The following USH2A variants were observed in gnomAD, a reference collection of about 807,000 sequenced individuals.
USH2A encodes the protein Usher syndrome 2A (autosomal recessive, mild).
USH2A carries 443 observed loss-of-function variants against 538.9 expected under a neutral mutation model. The ratio of observed to expected loss-of-function variants is 0.82; its 90% confidence interval spans 0.76 to 0.89. USH2A has a LOEUF of 0.89. Among genes scored for constraint, USH2A ranks in the 40% least tolerant of loss-of-function variants. The pLI is 0.00. For missense variants in USH2A, 6,633 were observed against 6,324.8 expected (o/e 1.05, Z -1.65); for synonymous variants, 2,413 against 2,273.5 (o/e 1.06, Z -1.75).
intron 37 of USH2A, among the ~76,000 whole-genome samples, chr1:215,963,219 T>C (rs1476862233): frequency 6.6e-6 from 1 of 152,086 alleles, no homozygotes; most frequent in African/African-American, 2.4e-5. Context: ...AATTAATGTT[T>C]AATTTGTTCT....
At chr1:215,630,480 G>GTATATATATATATATA (rs1443855975) in intron 70 of USH2A, among the ~76,000 whole-genome samples, 1 of 105,940 alleles carries the variant, frequency 9.4e-6, no homozygotes, top group Non-Finnish European at 1.8e-5. Flanking sequence ...GTATGTGTGT[G>GTATATATATATATATA]TGTATATATA....
Position 216,324,367 on chromosome 1 carries a change from T to C in USH2A, c.1144-15A>G. 1 of 1,597,226 alleles carries C rather than the reference T, an allele frequency of 6.3e-7. No individual in the cohort carries two copies. Among genetic ancestry groups the C allele is most frequent in the Middle Eastern group, 1.7e-4 (1 of 5,832 alleles). ...ATATAAAACACCTGAAAATGGAAAG[T>C]TAATTAATGTAATTAAAGTTTTAAG... is the stretch of plus-strand genomic sequence containing the variant. On this transcript the variant is annotated splice_polypyrimidine_tract_variant and intron_variant, in intron 6 of 71. Coordinates refer to ENST00000307340, the MANE Select transcript of USH2A (RefSeq NM_206933.4).
At chr1:216,097,279 C>CA in intron 21 of USH2A, 66 bp from the exon 22 acceptor site, 1 of 1,611,404 alleles carries the variant, frequency 6.2e-7, no homozygotes, top group Non-Finnish European at 8.5e-7. Context: ...GATAAATGTA[C>CA]ATTTACTTTC....
chr1:216,247,978 T>C (rs2036086093), intron 12 of USH2A, among the ~76,000 whole-genome samples: 1 of 152,142 alleles, frequency 6.6e-6, no homozygotes, highest in African/African-American at 2.4e-5. Flanking sequence ...GCATATACAC[T>C]TATTTCTGAA....
chr1:216,271,709 G>A (rs1254120587), intron 11 of USH2A, among the ~76,000 whole-genome samples: 1 of 151,770 alleles, frequency 6.6e-6, no homozygotes, highest in African/African-American at 2.4e-5. Context: ...GTAGGCAGAG[G>A]GTATTTATCA....
chr1:216,321,904 C>G lies in USH2A; in HGVS notation c.1623G>C (p.Glu541Asp), dbSNP rs146805130. ...SQPYRCLCSQ[E>D]SFTEGLHCDR... ...TCACATGAAGTCCTTCAGTGAAGCT[C>G]TCCTGGGAGCAGAGGCATCTATATG... Residue 541 changes from glutamate to aspartate, a missense_variant, in exon 9 of 72, where the codon GAG (glutamate) becomes GAC (aspartate). Coordinates refer to ENST00000307340, the MANE Select transcript of USH2A (RefSeq NM_206933.4). 1.2e-6 allele frequency: 2 copies of G among 1,613,660 alleles called. No individual in the cohort carries two copies. The highest frequency in any genetic ancestry group is 1.7e-6 in the Non-Finnish European group (2 of 1,179,870).
chr1:216,030,247 T>C (rs1446610450), intron 32 of USH2A, among the ~76,000 whole-genome samples: 4 of 138,536 alleles, frequency 2.9e-5, no homozygotes, highest in African/African-American at 1.0e-4. Context: ...ACATCACAGA[T>C]ATATAATATA....
chr1:216,339,132 C>T lies in USH2A; in HGVS notation c.785-11478G>A, dbSNP rs1453863275. On this transcript the variant is annotated intron_variant, in intron 4 of 71. Coordinates refer to ENST00000307340, the MANE Select transcript of USH2A (RefSeq NM_206933.4). Reference sequence around the variant, plus strand: ...CTAACTCTCCACATGGAAACAAATACATAATCCATACTTTTTTTTATAAAG... The same window carrying T: ...CTAACTCTCCACATGGAAACAAATATATAATCCATACTTTTTTTTATAAAG... Among the ~76,000 whole-genome samples the T allele has an allele frequency of 2.0e-5, 3 of 151,584 alleles. No individual in the cohort carries two copies. The East Asian group carries it at 5.8e-4, about 29-fold the overall frequency.
intron 3 of USH2A, among the ~76,000 whole-genome samples, chr1:216,410,541 G>A (rs557978865): frequency 6.6e-5 from 10 of 151,088 alleles, no homozygotes; most frequent in Middle Eastern, 3.4e-3. Flanking sequence ...TAATGCCTGC[G>A]CCCCACCTAG....
rs1571919508 is a variant in USH2A, at chr1:215,634,713, C to A, written c.15053-10G>T. On this transcript the variant is annotated splice_polypyrimidine_tract_variant and intron_variant, in intron 69 of 71. Coordinates refer to ENST00000307340, the MANE Select transcript of USH2A (RefSeq NM_206933.4). ...GTTGTTAGGACCAAGCCTGCAAAACCCAGAGAAAGAAAGGGGAAATGTTAT... is the reference window on the plus strand; with the variant it reads ...GTTGTTAGGACCAAGCCTGCAAAACACAGAGAAAGAAAGGGGAAATGTTAT... 1.2e-6 allele frequency: 2 copies of A among 1,614,204 alleles called. No individual in the cohort carries two copies. Among genetic ancestry groups the A allele is most frequent in the South Asian group, 2.2e-5 (2 of 91,076 alleles).
rs527448946 is a variant in USH2A at position 215,661,853 on chromosome 1, C to T, written c.14133+9119G>A. ...GGCCTTTAGAGTTTGGTGTGGAAAT[C>T]GTGCTGTCCCTGAAGATAAAGAAGC... On this transcript the variant is annotated intron_variant, in intron 64 of 71. Transcript: ENST00000307340. 1.1e-4 allele frequency among the ~76,000 whole-genome samples: 16 copies of T among 152,220 alleles called. No homozygotes were observed. The East Asian group carries it at 1.2e-3, about 11-fold the overall frequency.
At chr1:215,678,800 T>C (rs1204661045) in intron 62 of USH2A, among the ~76,000 whole-genome samples, 1 of 152,146 alleles carries the variant, frequency 6.6e-6, no homozygotes, top group Non-Finnish European at 1.5e-5. Flanking sequence ...CTTGAATAAG[T>C]ATATGGCACT....
intron 56 of USH2A, among the ~76,000 whole-genome samples, chr1:215,763,987 T>A (rs1170069939): frequency 1.3e-5 from 2 of 152,110 alleles, no homozygotes; most frequent in Non-Finnish European, 2.9e-5. Flanking sequence ...GGTGGTAGTA[T>A]TTGAGAGAAG....
At chr1:215,939,205 G>A (rs1397158501) in intron 37 of USH2A, among the ~76,000 whole-genome samples, 4 of 152,296 alleles carry the variant, frequency 2.6e-5, no homozygotes, top group South Asian at 2.1e-4. Flanking sequence ...TGAAGATGCA[G>A]AGGAAGAAAA....
At chr1:216,324,127 C>T in intron 7 of USH2A, 41 bp downstream of exon 7, 1 of 1,585,700 alleles carries the variant, frequency 6.3e-7, no homozygotes, top group Non-Finnish European at 8.6e-7. Flanking sequence ...TTATTAATAA[C>T]CAATCAGTCT....
chr1:216,200,610 C>T (rs1454798541), intron 16 of USH2A, among the ~76,000 whole-genome samples: 1 of 152,078 alleles, frequency 6.6e-6, no homozygotes, highest in Non-Finnish European at 1.5e-5. Flanking sequence ...TTTTAAGCTG[C>T]TAAATTTTGG....
At chr1:215,646,673 T>A (rs1227178329) in intron 67 of USH2A, among the ~76,000 whole-genome samples, 1 of 152,068 alleles carries the variant, frequency 6.6e-6, no homozygotes, top group East Asian at 1.9e-4. Context: ...ATTACAGGTA[T>A]GTGTCACCAT....
rs1004750020 is a variant in USH2A at position 215,848,550 on chromosome 1, G to A, written c.8846-2517C>T. On this transcript the variant is annotated intron_variant, in intron 44 of 71. Coordinates refer to ENST00000307340, the MANE Select transcript of USH2A (RefSeq NM_206933.4). ...AAATGTCCTTTCTTAGCCATGCACC[G>A]TATGCCAGTCCCTCTGAAACAGAAC... Among the ~76,000 whole-genome samples, 7 of 152,256 alleles carry A rather than the reference G, an allele frequency of 4.6e-5. No individual in the cohort carries two copies. The South Asian group carries it at 6.2e-4, about 14-fold the overall frequency.
At chr1:216,072,576 G>T (rs547664507) in intron 29 of USH2A, 7 of 399,816 alleles carry the variant, frequency 1.8e-5, no homozygotes, top group South Asian at 1.1e-4. Context: ...CATCTGTAAA[G>T]GTTACCTATC....
Sources: gnomAD v4.1 joint callset for allele counts (sites outside exome capture counted in the v4.1 genomes callset) on GRCh38, gnomAD v4.1.1 for gene constraint, MANE v1.5 for transcripts, NCBI Gene and HGNC (gene_info 2026-07-23, HGNC 2026-07-21) for gene names.